The following RPTOR variants were observed in gnomAD, a reference collection of about 807,000 sequenced individuals.
RPTOR encodes regulatory associated protein of MTOR complex 1, also known as regulatory-associated protein of mTOR.
Under a neutral mutation model 169.9 loss-of-function variants are expected in RPTOR, and 21 were observed. That is an observed-to-expected ratio of 0.12 (90% CI 0.09 to 0.18). The LOEUF (loss-of-function observed/expected upper bound fraction) is 0.18, where lower values mean the gene tolerates loss of function less well. Ranked by LOEUF, RPTOR falls within the 10% of genes least tolerant of loss-of-function variation. RPTOR has a pLI of 1.00. For synonymous variants in RPTOR, 732 were observed against 753.2 expected, an observed-to-expected ratio of 0.97 and a Z score of 0.46; for missense variants, 1,133 against 1,855.9, an observed-to-expected ratio of 0.61 and a Z score of 7.16.
At chr17:80,907,746 C>T (rs1014844104) in intron 20 of RPTOR, among the ~76,000 whole-genome samples, 6 of 152,212 alleles carry the variant, frequency 3.9e-5, no homozygotes, top group African/African-American at 1.2e-4. Context: ...CCATCACCTC[C>T]GTGTTTTATT....
At chr17:80,906,306 T>A (rs561560694) in intron 20 of RPTOR, among the ~76,000 whole-genome samples, 50 of 152,144 alleles carry the variant, frequency 3.3e-4, no homozygotes, top group Middle Eastern at 3.4e-3. Flanking sequence ...GAGGAGACTC[T>A]AGGGATGTTC....
chr17:80,591,376 T>C (rs188301737), intron 1 of RPTOR, among the ~76,000 whole-genome samples: 1 of 149,368 alleles, frequency 6.7e-6, no homozygotes, highest in Non-Finnish European at 1.5e-5. Context: ...TTCCTTCCTT[T>C]CTTTTTTTCT....
intron 5 of RPTOR, among the ~76,000 whole-genome samples, chr17:80,740,437 C>T (rs1366686769): frequency 6.6e-6 from 1 of 152,108 alleles, no homozygotes; most frequent in African/African-American, 2.4e-5. Context: ...CATTATTATC[C>T]TAATGCCAAA....
chr17:80,949,562 C>G lies in RPTOR; in HGVS notation c.3370+15C>G. The stretch of plus-strand genomic sequence containing the variant: ...AACGACGCGAGGTGGGTCCGCCCGG[C>G]TCCTCCCCAGAGCAGAATGTGTTCC... On this transcript the variant is annotated intron_variant, in intron 28 of 33. Transcript: ENST00000306801. 6.2e-7 allele frequency: 1 copy of G among 1,605,584 alleles called. No individual in the cohort carries two copies. Among genetic ancestry groups the G allele is most frequent in the Non-Finnish European group, 8.5e-7 (1 of 1,172,958 alleles).
At position 80,721,660 on chromosome 17, in the gene RPTOR, C is replaced by T. The variant is rs2066287937; in HGVS notation, c.508-8900C>T. 6.6e-6 allele frequency among the ~76,000 whole-genome samples: 1 copy of T among 151,250 alleles called. No individual in the cohort carries two copies. The highest frequency in any genetic ancestry group is 2.1e-4 in the South Asian group (1 of 4,830). On this transcript the variant is annotated intron_variant, in intron 4 of 33. Coordinates refer to ENST00000306801, the MANE Select transcript of RPTOR (RefSeq NM_020761.3). This position sits in a 1 kb window ranked among gnomAD's most constrained non-coding sequence, Gnocchi z 4.7. ...TGGAAGCTTCCTCAGGGTACTCGGGCTTATTTTGGTAGTCATACACATGAA... is the reference window on the plus strand; with the variant it reads ...TGGAAGCTTCCTCAGGGTACTCGGGTTTATTTTGGTAGTCATACACATGAA...
intron 20 of RPTOR, among the ~76,000 whole-genome samples, chr17:80,905,383 A>G (rs1049514022): frequency 2.0e-5 from 3 of 151,598 alleles, no homozygotes; most frequent in Admixed American, 6.6e-5. Flanking sequence ...TCAGGAGATC[A>G]AGACCATCCT....
intron 1 of RPTOR, 121 bp from the exon 2 acceptor site, chr17:80,625,570 C>A: frequency 1.4e-6 from 1 of 724,742 alleles, no homozygotes; most frequent in Non-Finnish European, 2.4e-6. Context: ...GGAGGACTGG[C>A]TGGAGGGCAG....
In RPTOR at chr17:80,545,227, G is replaced by A; in HGVS notation, c.-403G>A. On this transcript the variant is annotated 5_prime_UTR_variant, in exon 1 of 34. Coordinates refer to ENST00000306801, the MANE Select transcript of RPTOR (RefSeq NM_020761.3). ...CCCAGTGGGCGAACCGGCACCAAGAGCGGCCTGCCTGTCTTCGGAACTGCT... is the reference window on the plus strand; with the variant it reads ...CCCAGTGGGCGAACCGGCACCAAGAACGGCCTGCCTGTCTTCGGAACTGCT... 4.2e-6 allele frequency: 1 copy of A among 237,094 alleles called. No individual in the cohort carries two copies. The allele number at this position is 237,094 out of a possible 1,614,324, so 14.7% of individuals were successfully genotyped here.
At chr17:80,930,660 C>CCAGGA (rs1312065112) in intron 24 of RPTOR, among the ~76,000 whole-genome samples, 1 of 152,240 alleles carries the variant, frequency 6.6e-6, no homozygotes, top group Non-Finnish European at 1.5e-5. Context: ...CGATTCCCCT[C>CCAGGA]CAGGAAGACC....
In RPTOR at chr17:80,625,813, G is replaced by T; in HGVS notation, c.265+20G>T. ...GGATCGGTGAGTATGCCTCCCTCAC[G>T]CGCTGCCACAAAGGCCGTCTGGCCG... On this transcript the variant is annotated intron_variant, in intron 2 of 33. Coordinates refer to ENST00000306801, the MANE Select transcript of RPTOR (RefSeq NM_020761.3). The T allele has an allele frequency of 5.8e-6, 9 of 1,557,258 alleles. No individual in the cohort carries two copies. The highest frequency in any genetic ancestry group is 7.1e-6 in the Non-Finnish European group (8 of 1,129,420).
intron 13 of RPTOR, among the ~76,000 whole-genome samples, chr17:80,873,161 G>A (rs892431986): frequency 6.6e-6 from 1 of 152,222 alleles, no homozygotes; most frequent in Non-Finnish European, 1.5e-5. Context: ...CCAGAAGGCT[G>A]CAGCTCAGAC....
chr17:80,846,487 C>T lies in RPTOR; in HGVS notation c.1227C>T (p.Phe409=), dbSNP rs767191445. 1.4e-5 allele frequency: 23 copies of T among 1,614,146 alleles called. No individual in the cohort carries two copies. Among genetic ancestry groups the T allele is most frequent in the Admixed American group, 6.7e-5 (4 of 60,030 alleles). ...EGTAFRHSPF[F]AEQLTAFQVW... is the part of the protein sequence containing the mutation. ...TTGCCCCGCAGCACAGCCCGTTCTT[C>T]GCCGAGCAGCTGACCGCATTCCAGG... The change falls in exon 11 of 34, where the codon TTC becomes TTT. Residue 409 remains phenylalanine, a synonymous_variant. Transcript: ENST00000306801.
At chr17:80,790,558 G>A (rs1418638803) in intron 6 of RPTOR, among the ~76,000 whole-genome samples, 3 of 152,048 alleles carry the variant, frequency 2.0e-5, no homozygotes, top group African/African-American at 7.2e-5. Context: ...ATCCCCCATA[G>A]AGGAGTCACT....
intron 21 of RPTOR, among the ~76,000 whole-genome samples, chr17:80,919,047 C>T (rs1001016842): frequency 1.3e-5 from 2 of 152,218 alleles, no homozygotes; most frequent in Non-Finnish European, 2.9e-5. Flanking sequence ...TCCACTGACG[C>T]GGCGTTCTCT....
chr17:80,752,107 C>T (rs1322359918), intron 5 of RPTOR, among the ~76,000 whole-genome samples: 4 of 152,256 alleles, frequency 2.6e-5, no homozygotes, highest in African/African-American at 7.2e-5. Context: ...CATCACATTT[C>T]AGGGTAACTG....
intron 7 of RPTOR, among the ~76,000 whole-genome samples, chr17:80,792,613 G>A (rs1257164090): frequency 6.6e-6 from 1 of 152,074 alleles, no homozygotes; most frequent in African/African-American, 2.4e-5. Context: ...TGCAAGCTGT[G>A]ACTTAGAAGA....
rs141599459 is a variant in RPTOR at position 80,723,118 on chromosome 17, G to A, written c.508-7442G>A. ...CTCAGTGCATCAGGTTTGGGGGTGCGTGGTGTGTGTGATTCTTATTACTGC... is the reference window on the plus strand; with the variant it reads ...CTCAGTGCATCAGGTTTGGGGGTGCATGGTGTGTGTGATTCTTATTACTGC... On this transcript the variant is annotated intron_variant, in intron 4 of 33. Transcript: ENST00000306801. Among the ~76,000 whole-genome samples the A allele has an allele frequency of 5.0e-3, 757 of 151,442 alleles. 16 individuals are homozygous for A. The highest frequency in any genetic ancestry group is 7.1e-3 in the Non-Finnish European group (484 of 68,032).
At chr17:80,652,464 A>G (rs2065648577) in intron 3 of RPTOR, among the ~76,000 whole-genome samples, 2 of 152,144 alleles carry the variant, frequency 1.3e-5, no homozygotes, top group South Asian at 4.1e-4. Flanking sequence ...AGATTCCTCC[A>G]TGCTATTGCA....
chr17:80,586,358 T>C (rs1413191313), intron 1 of RPTOR, among the ~76,000 whole-genome samples: 3 of 152,222 alleles, frequency 2.0e-5, no homozygotes, highest in African/African-American at 7.2e-5. Context: ...CTGTATGTAG[T>C]AACCACGTCG....
Sources: gnomAD v4.1 joint callset for allele counts (sites outside exome capture counted in the v4.1 genomes callset) on GRCh38, gnomAD v4.1.1 for gene constraint, Gnocchi (gnomAD v3.1) non-coding constraint, MANE v1.5 for transcripts, NCBI Gene and HGNC (gene_info 2026-07-23, HGNC 2026-07-21) for gene names.